Variants in TRIT1 observed in about 807,000 individuals in gnomAD.
TRIT1 encodes tRNA isopentenyltransferase 1, also known as tRNA dimethylallyltransferase.
Under a neutral mutation model 51.2 loss-of-function variants are expected in TRIT1, and 43 were observed. That is an observed-to-expected ratio of 0.84 (90% CI 0.66 to 1.08). The LOEUF (loss-of-function observed/expected upper bound fraction) is 1.08. Among genes scored for constraint, TRIT1 ranks in the 50% least tolerant of loss-of-function variants. TRIT1 has a pLI of 0.00. For synonymous variants in TRIT1, 184 were observed against 203.9 expected (o/e 0.90, Z 0.83); for missense variants, 528 against 578.4 (o/e 0.91, Z 0.89).
intron 1 of TRIT1, among the ~76,000 whole-genome samples, chr1:39,882,372 T>G (rs552422368): frequency 1.4e-4 from 21 of 152,360 alleles, no homozygotes; most frequent in African/African-American, 5.1e-4. Context: ...TCAGGTGCTA[T>G]GTTCAGTGCC....
At chr1:39,868,967 G>A (rs1643708524) in intron 1 of TRIT1, among the ~76,000 whole-genome samples, 1 of 152,176 alleles carries the variant, frequency 6.6e-6, no homozygotes, top group Admixed American at 6.5e-5. Context: ...GGCTGAGGCA[G>A]GAGAATCGCT....
chr1:39,847,506 C>A lies in TRIT1; in HGVS notation c.928+42G>T, dbSNP rs573732097. The A allele has an allele frequency of 1.1e-5, 18 of 1,600,532 alleles. No individual in the cohort carries two copies. The Admixed American group carries it at 1.5e-4, about 13-fold the overall frequency. ...ACCATACCAGCAGAGTACCCTGCCACCCAAAGATGTCCAAGACTAGATTAG... is the reference window on the plus strand; with the variant it reads ...ACCATACCAGCAGAGTACCCTGCCAACCAAAGATGTCCAAGACTAGATTAG... On this transcript the variant is annotated intron_variant, in intron 7 of 10. Transcript: ENST00000316891.
At chr1:39,867,233 C>A (rs1264325465) in intron 1 of TRIT1, among the ~76,000 whole-genome samples, 1 of 152,166 alleles carries the variant, frequency 6.6e-6, no homozygotes, top group Non-Finnish European at 1.5e-5. Context: ...GCAACCTCCA[C>A]CTCCTGGGTT....
intron 8 of TRIT1, among the ~76,000 whole-genome samples, chr1:39,844,951 G>T (rs953607218): frequency 6.6e-6 from 1 of 152,216 alleles, no homozygotes; most frequent in African/African-American, 2.4e-5. Flanking sequence ...ACAGCACATC[G>T]TAAGAAGAAA....
Position 39,841,917 on chromosome 1 carries a change from A to G in TRIT1, c.1235-4T>C, listed in dbSNP as rs1051205862. Reference sequence around the variant, plus strand: ...TGGGATTTGGATTTTATGTGCGCTGATAAGACAAAATCAAACCAAACAAAC... The same window carrying G: ...TGGGATTTGGATTTTATGTGCGCTGGTAAGACAAAATCAAACCAAACAAAC... On this transcript the variant is annotated splice_region_variant and splice_polypyrimidine_tract_variant and intron_variant, in intron 10 of 10. Coordinates refer to ENST00000316891, the MANE Select transcript of TRIT1 (RefSeq NM_017646.6). The G allele has an allele frequency of 6.2e-7, 1 of 1,601,308 alleles. No homozygotes were observed. Among genetic ancestry groups the G allele is most frequent in the Non-Finnish European group, 8.5e-7 (1 of 1,176,250 alleles).
chr1:39,864,389 C>T (rs1643414656), intron 1 of TRIT1, among the ~76,000 whole-genome samples: 1 of 151,466 alleles, frequency 6.6e-6, no homozygotes, highest in Non-Finnish European at 1.5e-5. Context: ...GCAGGTGGAT[C>T]ACGAGGTCAG....
At position 39,848,013 on chromosome 1, in the gene TRIT1, T is replaced by C. The variant is rs749150087; in HGVS notation, c.788A>G (p.Tyr263Cys). 12 of 1,614,126 alleles carry C rather than the reference T, an allele frequency of 7.4e-6. No individual in the cohort carries two copies. In the South Asian group the frequency reaches 9.9e-5, roughly 13 times the overall value. ...LEELRDFHRR[Y>C]NQKNVSENSQ... Reference sequence around the variant, plus strand: ...ATTTTCCGAAACATTCTTCTGATTATAGCGTCTGTGAAAATCTCTTAGTTC... The same window carrying C: ...ATTTTCCGAAACATTCTTCTGATTACAGCGTCTGTGAAAATCTCTTAGTTC... The change falls in exon 6 of 11, where the codon TAT (tyrosine) becomes TGT (cysteine). Residue 263 changes from tyrosine to cysteine, a missense_variant. Tyr to Cys is a radical substitution (Grantham distance 194). Around this residue, in one of 3 missense-constraint regions of TRIT1, gnomAD observed 468 missense variants for 522.6 expected, o/e 0.90. Coordinates refer to ENST00000316891, the MANE Select transcript of TRIT1 (RefSeq NM_017646.6).
intron 1 of TRIT1, among the ~76,000 whole-genome samples, chr1:39,864,491 C>G (rs1373915089): frequency 6.6e-6 from 1 of 151,328 alleles, no homozygotes; most frequent in African/African-American, 2.4e-5. Flanking sequence ...CGCCTGTAGT[C>G]CTAGCTACTC....
At chr1:39,865,494 T>C (rs1643483643) in intron 1 of TRIT1, among the ~76,000 whole-genome samples, 1 of 152,036 alleles carries the variant, frequency 6.6e-6, no homozygotes, top group African/African-American at 2.4e-5. Flanking sequence ...AACTGTCTAG[T>C]GGACATTCCA....
chr1:39,883,361 C>G lies in TRIT1; in HGVS notation c.131G>C (p.Gly44Ala), dbSNP rs2124702371. 1.2e-6 allele frequency: 2 copies of G among 1,612,802 alleles called. No homozygotes were observed. Among genetic ancestry groups the G allele is most frequent in the Non-Finnish European group, 8.5e-7 (1 of 1,179,626 alleles). ...GACGATCTCACCGCCGAGCCGCTGG[C>G]CTAGCTGCAACGCCAGCGTGGATTT... ...TGKSTLALQL[G>A]QRLGGEIVSA... Residue 44 changes from glycine (G) to alanine (A), a missense_variant, in exon 1 of 11, where the codon GGC (glycine) becomes GCC (alanine). Gly to Ala is a moderately conservative substitution (Grantham distance 60). This residue lies in a region of TRIT1 where 468 missense variants were observed against 522.6 expected (regional missense o/e 0.90). Coordinates refer to ENST00000316891, the MANE Select transcript of TRIT1 (RefSeq NM_017646.6).
In TRIT1 at chr1:39,848,041, C is replaced by T. The variant is rs1297238576; in HGVS notation, c.760G>A (p.Glu254Lys). 1 of 1,614,166 alleles carries T rather than the reference C, an allele frequency of 6.2e-7. No individual in the cohort carries two copies. Among genetic ancestry groups the T allele is most frequent in the East Asian group, 2.2e-5 (1 of 44,888 alleles). The change falls in exon 6 of 11, where the codon GAG (glutamate) becomes AAG (lysine). Residue 254 changes from glutamate to lysine, a missense_variant. Coordinates refer to ENST00000316891, the MANE Select transcript of TRIT1 (RefSeq NM_017646.6). The part of the protein sequence containing the change: ...VDDMLAAGLL[E>K]ELRDFHRRYN... Reference sequence around the variant, plus strand: ...CGTCTGTGAAAATCTCTTAGTTCCTCCAAGAGCCCAGCAGCAAGCATGTCA... The same window carrying T: ...CGTCTGTGAAAATCTCTTAGTTCCTTCAAGAGCCCAGCAGCAAGCATGTCA...
chr1:39,861,058 C>T (rs1043619496), intron 1 of TRIT1, among the ~76,000 whole-genome samples: 9 of 152,038 alleles, frequency 5.9e-5, no homozygotes, highest in Non-Finnish European at 1.3e-4. Flanking sequence ...GCCTGGGCGA[C>T]GGAGCAAGAC....
At chr1:39,871,700 A>G (rs1643887489) in intron 1 of TRIT1, among the ~76,000 whole-genome samples, 1 of 152,216 alleles carries the variant, frequency 6.6e-6, no homozygotes, top group Non-Finnish European at 1.5e-5. Flanking sequence ...GCAAAACAAT[A>G]GGGATGGAAA....
chr1:39,850,574 C>T (rs1425774849), intron 4 of TRIT1, among the ~76,000 whole-genome samples: 1 of 152,170 alleles, frequency 6.6e-6, no homozygotes, highest in Non-Finnish European at 1.5e-5. Context: ...AGGGTTACTC[C>T]AGTCCTACAG....
chr1:39,879,534 G>A (rs913632610), intron 1 of TRIT1, among the ~76,000 whole-genome samples: 9 of 151,676 alleles, frequency 5.9e-5, no homozygotes. Flanking sequence ...CATGCCTATA[G>A]TCCCAGCTAC....
intron 1 of TRIT1, among the ~76,000 whole-genome samples, chr1:39,859,310 G>A (rs1465185931): frequency 7.2e-6 from 1 of 138,348 alleles, no homozygotes; most frequent in Non-Finnish European, 1.5e-5. Flanking sequence ...AAGAGGCCAG[G>A]TGCGGAGACT....
chr1:39,871,866 T>A (rs1433882020), intron 1 of TRIT1, among the ~76,000 whole-genome samples: 4 of 152,056 alleles, frequency 2.6e-5, no homozygotes, highest in African/African-American at 9.7e-5. Flanking sequence ...GAACTAAACA[T>A]CATAAAGAGT....
chr1:39,873,898 C>T (rs536170873), intron 1 of TRIT1, among the ~76,000 whole-genome samples: 1 of 152,172 alleles, frequency 6.6e-6, no homozygotes, highest in Non-Finnish European at 1.5e-5. Flanking sequence ...TGGCGTATGC[C>T]TGTAGTCCCA....
chr1:39,847,271 T>TA lies in TRIT1; in HGVS notation c.954dup (p.Lys319Ter). 6.2e-7 allele frequency: 1 copy of TA among 1,614,180 alleles called. No homozygotes were observed. Reference sequence around the variant, plus strand: ...CGGTTTTGTTTCCGGGCATATCTCTTAGTTACTTGTTTCAGAGCCTCAATA... The same window carrying TA: ...CGGTTTTGTTTCCGGGCATATCTCTTAAGTTACTTGTTTCAGAGCCTCAATA... On this transcript the variant is annotated frameshift_variant, in exon 8 of 11. Transcript: ENST00000316891. LOFTEE classifies it high-confidence loss of function.
Sources: allele counts gnomAD v4.1 joint callset (sites outside exome capture counted in the v4.1 genomes callset), GRCh38; gene constraint gnomAD v4.1.1; regional missense constraint gnomAD v4.1.1; transcripts MANE v1.5; gene names NCBI Gene and HGNC (gene_info 2026-07-23, HGNC 2026-07-21).